Variants in PARD3B observed in about 807,000 individuals in gnomAD.
The protein encoded by PARD3B is par-3 family cell polarity regulator beta.
PARD3B carries 103 observed loss-of-function variants against 130.2 expected under a neutral mutation model. That is an observed-to-expected ratio of 0.79 (90% confidence interval 0.67 to 0.93). The LOEUF (loss-of-function observed/expected upper bound fraction) is 0.93. Among genes scored for constraint, PARD3B ranks in the 40% least tolerant of loss-of-function variants. PARD3B has a pLI of 0.00. For synonymous variants in PARD3B, 583 were observed against 553.2 expected (o/e 1.05, Z -0.76); for missense variants, 1,609 against 1,499.2 (o/e 1.07, Z -1.21).
intron 2 of PARD3B, among the ~76,000 whole-genome samples, chr2:204,850,162 G>T (rs1468930524): frequency 6.6e-6 from 1 of 152,128 alleles, no homozygotes; most frequent in Admixed American, 6.6e-5. Flanking sequence ...GCTACTTGAA[G>T]CTTAGTTTGT....
intron 20 of PARD3B, among the ~76,000 whole-genome samples, chr2:205,457,170 A>T (rs1430942036): frequency 6.6e-6 from 1 of 151,834 alleles, no homozygotes; most frequent in Admixed American, 6.6e-5. Flanking sequence ...GTCCTTGATA[A>T]CTGTAACGCT....
intron 10 of PARD3B, among the ~76,000 whole-genome samples, chr2:205,137,449 C>T (rs79543796): frequency 0.039 from 5,982 of 152,206 alleles, 144 homozygotes; most frequent in African/African-American, 0.063. Context: ...CATTTAAAGT[C>T]GGTAACAAGA....
chr2:204,967,374 G>A lies in PARD3B; in HGVS notation c.394+2051G>A, dbSNP rs769930186. Among the ~76,000 whole-genome samples the A allele has an allele frequency of 6.6e-6, 1 of 152,170 alleles. No individual in the cohort carries two copies. Among genetic ancestry groups the A allele is most frequent in the Non-Finnish European group, 1.5e-5 (1 of 68,040 alleles). ...CAATTAGACTATTGCAGAGGCCTCA[G>A]ACTGACCTCTTTCTTTACACTGTGT... On this transcript the variant is annotated intron_variant, in intron 3 of 22. Coordinates refer to ENST00000406610, the MANE Select transcript of PARD3B (RefSeq NM_001302769.2). This position sits in a 1 kb window ranked among gnomAD's most constrained non-coding sequence, Gnocchi z 4.4.
At chr2:205,154,831 G>A (rs1361947268) in intron 10 of PARD3B, among the ~76,000 whole-genome samples, 1 of 152,160 alleles carries the variant, frequency 6.6e-6, no homozygotes, top group East Asian at 1.9e-4. Context: ...TCACTCATAG[G>A]TGGGAATTGA....
At chr2:204,608,458 G>A (rs564636608) in intron 1 of PARD3B, among the ~76,000 whole-genome samples, 1 of 152,186 alleles carries the variant, frequency 6.6e-6, no homozygotes, top group Non-Finnish European at 1.5e-5. Flanking sequence ...TGTGCAGCAT[G>A]CTCCTTTGCT....
Position 205,160,870 on chromosome 2 carries a change from G to A in PARD3B, c.1620+1963G>A, listed in dbSNP as rs1306486781. 6.6e-6 allele frequency among the ~76,000 whole-genome samples: 1 copy of A among 152,072 alleles called. No homozygotes were observed. Among genetic ancestry groups the A allele is most frequent in the African/African-American group, 2.4e-5 (1 of 41,406 alleles). ...GAATTACTTTAAGATTTGAATCCAG[G>A]CAGTCTGACTCCAGAACCTGCGTTA... On this transcript the variant is annotated intron_variant, in intron 11 of 22. Coordinates refer to ENST00000406610, the MANE Select transcript of PARD3B (RefSeq NM_001302769.2). This position sits in a 1 kb window ranked among gnomAD's most constrained non-coding sequence, Gnocchi z 4.0.
intron 18 of PARD3B, among the ~76,000 whole-genome samples, chr2:205,316,578 C>T (rs924980540): frequency 1.3e-5 from 2 of 152,050 alleles, no homozygotes; most frequent in Non-Finnish European, 1.5e-5. Context: ...ACTTAAACTC[C>T]GTATCTAATT....
intron 2 of PARD3B, among the ~76,000 whole-genome samples, chr2:204,694,991 C>A (rs1257096562): frequency 1.3e-5 from 2 of 151,932 alleles, no homozygotes; most frequent in Admixed American, 6.6e-5. Context: ...GAAGAGTAAA[C>A]CATAAGAAAA....
In PARD3B at chr2:205,317,910, C is replaced by T. The variant is rs57202373; in HGVS notation, c.2630+16209C>T. On this transcript the variant is annotated intron_variant, in intron 18 of 22. Transcript: ENST00000406610. The stretch of plus-strand genomic sequence containing the variant: ...GCTTTCTTGGTATTAGAAAAAGCCA[C>T]ATAGCTCTGGAAATTAAAGTAGAAA... Among the ~76,000 whole-genome samples the T allele has an allele frequency of 7.3e-3, 1,116 of 152,178 alleles. 16 individuals are homozygous for T. The highest frequency in any genetic ancestry group is 0.025 in the African/African-American group (1,031 of 41,544).
intron 2 of PARD3B, among the ~76,000 whole-genome samples, chr2:204,861,670 C>T: frequency 6.6e-6 from 1 of 152,038 alleles, no homozygotes; most frequent in East Asian, 1.9e-4. Context: ...CTTTTGGACT[C>T]TTACCTTACA....
intron 2 of PARD3B, among the ~76,000 whole-genome samples, chr2:204,925,186 C>G (rs1687504221): frequency 6.6e-6 from 1 of 151,846 alleles, no homozygotes; most frequent in Non-Finnish European, 1.5e-5. Flanking sequence ...AGGTAGAAAA[C>G]CCTGGGAAGA....
In PARD3B at chr2:204,837,359, A is replaced by G. The variant is rs533331462; in HGVS notation, c.223-127793A>G. On this transcript the variant is annotated intron_variant, in intron 2 of 22. Transcript: ENST00000406610. ...TTTTTAAATAACTGAGTTTTATTTC[A>G]TTGACATAAAGGATCCAAGATTTTA... Among the ~76,000 whole-genome samples the G allele has an allele frequency of 4.6e-5, 7 of 152,144 alleles. No homozygotes were observed. The East Asian group carries it at 1.4e-3, about 29-fold the overall frequency.
At chr2:204,710,240 G>A (rs972251043) in intron 2 of PARD3B, among the ~76,000 whole-genome samples, 5 of 152,146 alleles carry the variant, frequency 3.3e-5, no homozygotes, top group Non-Finnish European at 5.9e-5. Context: ...GCTCTTGCAG[G>A]TCAAGCCTTA....
chr2:205,172,227 T>A lies in PARD3B; in HGVS notation c.1637T>A (p.Met546Lys). The A allele has an allele frequency of 2.5e-6, 4 of 1,614,198 alleles. No homozygotes were observed. Among genetic ancestry groups the A allele is most frequent in the Non-Finnish European group, 3.4e-6 (4 of 1,180,010 alleles). ...GAAFKDGRLR[M>K]NDQLIAVNGE... ...CTGCCTTAGGATGGTCGTCTGCGAA[T>A]GAATGACCAGCTGATTGCAGTTAAT... The change falls in exon 12 of 23, where the codon ATG (methionine) becomes AAG (lysine). Residue 546 changes from methionine to lysine, a missense_variant. Met to Lys is a moderately conservative substitution (Grantham distance 95, BLOSUM62 -1). Transcript: ENST00000406610.
chr2:205,013,310 T>G (rs1247809085), intron 3 of PARD3B, among the ~76,000 whole-genome samples: 1 of 152,266 alleles, frequency 6.6e-6, no homozygotes, highest in Non-Finnish European at 1.5e-5. Flanking sequence ...TTATAATTGA[T>G]AACTGTAGTT....
chr2:205,254,361 AGTCTAT>A (rs1483178558), intron 16 of PARD3B, among the ~76,000 whole-genome samples: 2 of 152,142 alleles, frequency 1.3e-5, no homozygotes, highest in African/African-American at 4.8e-5. Context: ...TGGACCTCCC[AGTCTAT>A]GTTGAATAAT....
intron 2 of PARD3B, among the ~76,000 whole-genome samples, chr2:204,829,152 G>A (rs2043708127): frequency 6.6e-6 from 1 of 152,156 alleles, no homozygotes; most frequent in Non-Finnish European, 1.5e-5. Context: ...ATTGAGAAGT[G>A]AGCTATATGT....
chr2:204,672,376 T>C (rs544137160), intron 1 of PARD3B, among the ~76,000 whole-genome samples: 2 of 152,334 alleles, frequency 1.3e-5, no homozygotes, highest in Admixed American at 6.5e-5. Flanking sequence ...TAATTATGAA[T>C]CTTAGCTAAG....
intron 16 of PARD3B, among the ~76,000 whole-genome samples, chr2:205,249,860 A>G (rs1039021354): frequency 5.3e-5 from 8 of 152,110 alleles, no homozygotes; most frequent in African/African-American, 1.9e-4. Context: ...GAGCCTTGAA[A>G]AACCAAAAAC....
Sources: allele counts gnomAD v4.1 joint callset (sites outside exome capture counted in the v4.1 genomes callset), GRCh38; gene constraint gnomAD v4.1.1; non-coding constraint Gnocchi (gnomAD v3.1); transcripts MANE v1.5; gene names NCBI Gene and HGNC (gene_info 2026-07-23, HGNC 2026-07-21).